Variants in MRTO4 observed in about 807,000 individuals in gnomAD.
MRTO4 encodes the protein MRT4 homolog, ribosome maturation factor.
In MRTO4, 7 loss-of-function variants were observed where a neutral mutation model predicts 28.6. That is an observed-to-expected ratio of 0.24 (90% CI 0.14 to 0.46). The LOEUF is 0.46. MRTO4 is among the 20% of genes least tolerant of loss of function. The pLI is 0.99. For synonymous variants in MRTO4, 113 were observed against 108.2 expected (o/e 1.04, Z -0.27); for missense variants, 302 against 298.3 (o/e 1.01, Z -0.09).
intron 3 of MRTO4, 70 bp downstream of exon 3, chr1:19,256,121 G>A (rs1197035377): frequency 7.1e-7 from 1 of 1,404,754 alleles, no homozygotes; most frequent in Non-Finnish European, 1.0e-6. Context: ...TCAAAGCACA[G>A]GAGCAATTTC....
chr1:19,251,874 G>C lies in MRTO4; in HGVS notation c.28+11G>C, dbSNP rs552214473. The C allele has an allele frequency of 6.9e-6, 11 of 1,591,672 alleles. No homozygotes were observed. The highest frequency in any genetic ancestry group is 1.7e-4 in the Middle Eastern group (1 of 6,040). On this transcript the variant is annotated intron_variant, in intron 1 of 7. Transcript: ENST00000330263. ...AGCGCGACAAGAAAGGTGGGCGAAG[G>C]GGGAGTCGGGACCCTGGGGGGAGCT...
chr1:19,251,867 G>A lies in MRTO4; in HGVS notation c.28+4G>A, dbSNP rs758749386. 4.4e-6 allele frequency: 7 copies of A among 1,591,854 alleles called. No homozygotes were observed. Among genetic ancestry groups the A allele is most frequent in the Non-Finnish European group, 4.3e-6 (5 of 1,169,820 alleles). On this transcript the variant is annotated splice_donor_region_variant and intron_variant, in intron 1 of 7. Coordinates refer to ENST00000330263, the MANE Select transcript of MRTO4 (RefSeq NM_016183.4). ...AAATCCAAGCGCGACAAGAAAGGTG[G>A]GCGAAGGGGGAGTCGGGACCCTGGG...
intron 2 of MRTO4, 121 bp from the exon 3 acceptor site, chr1:19,255,827 C>G: frequency 1.3e-6 from 1 of 788,516 alleles, no homozygotes; most frequent in Non-Finnish European, 2.0e-6. Context: ...TTAGAGGCCT[C>G]CAGTTCTTCC....
Position 19,255,846 on chromosome 1 carries a change from T to C in MRTO4, c.88-102T>C, listed in dbSNP as rs565174582. 4 of 947,700 alleles carry C rather than the reference T, an allele frequency of 4.2e-6. No individual in the cohort carries two copies. In the East Asian group the frequency reaches 1.0e-4, roughly 24 times the overall value. 58.7% of individuals were successfully genotyped at this position (947,700 alleles called of 1,614,324 possible). On this transcript the variant is annotated intron_variant, in intron 2 of 7. Transcript: ENST00000330263. The stretch of plus-strand genomic sequence containing the variant: ...AGGCCTCCAGTTCTTCCAGTTTCCA[T>C]AGTTGTCAGGGGCCCAGAGCAGATT...
rs1329687559 is a variant in MRTO4, at chr1:19,259,106, GAAAA to G, written c.*282_*285del. ...TGAAACCCCGTCTCTACTAAAAATA[GAAAA>G]AAAAACTAGTTGGGCATAGTGGCAT... On this transcript the variant is annotated 3_prime_UTR_variant, in exon 8 of 8. Transcript: ENST00000330263. 2 of 258,904 alleles carry G rather than the reference GAAAA, an allele frequency of 7.7e-6. No homozygotes were observed. Among genetic ancestry groups the G allele is most frequent in the South Asian group, 1.6e-4 (2 of 12,302 alleles). The allele number at this position is 258,904 out of a possible 1,614,324, so 16.0% of individuals were successfully genotyped here.
intron 3 of MRTO4, 109 bp from the exon 4 acceptor site, chr1:19,256,955 C>A: frequency 9.4e-7 from 1 of 1,062,084 alleles, no homozygotes; most frequent in Non-Finnish European, 1.4e-6. Flanking sequence ...GTGCCACTGG[C>A]TCAGCCTGGG....
rs1432191055 is a variant in MRTO4 at position 19,256,013 on chromosome 1, C to T, written c.153C>T (p.Ser51=). 3 of 1,614,062 alleles carry T rather than the reference C, an allele frequency of 1.9e-6. No individual in the cohort carries two copies. Among genetic ancestry groups the T allele is most frequent in the Non-Finnish European group, 2.5e-6 (3 of 1,179,998 alleles). ...FIFSVANMRN[S]KLKDIRNAWK... ...TCTCTGTGGCCAACATGAGGAACAG[C>T]AAGCTGAAGGACATCCGGAACGCCT... Residue 51 remains serine, a synonymous_variant, in exon 3 of 8, where the codon AGC becomes AGT. Transcript: ENST00000330263.
At chr1:19,256,625 G>T (rs1485820117) in intron 3 of MRTO4, among the ~76,000 whole-genome samples, 1 of 152,174 alleles carries the variant, frequency 6.6e-6, no homozygotes, top group African/African-American at 2.4e-5. Context: ...CTGGACTGTG[G>T]GCCATTTAGG....
chr1:19,257,887 T>C lies in MRTO4; in HGVS notation c.396T>C (p.Ala132=), dbSNP rs779085414. The part of the protein sequence containing the change: ...MDYARAGNKA[A]FTVSLDPGPL... ...ACGCCCGAGCTGGTAACAAAGCAGC[T>C]TTCACTGTGAGCCTGGATCCAGGGC... The change falls in exon 6 of 8, where the codon GCT becomes GCC. Residue 132 remains alanine, a synonymous_variant. Transcript: ENST00000330263. 5.6e-6 allele frequency: 9 copies of C among 1,614,112 alleles called. No individual in the cohort carries two copies. The South Asian group carries it at 9.9e-5, about 18-fold the overall frequency.
At chr1:19,255,800 G>C in intron 2 of MRTO4, 148 bp from the exon 3 acceptor site, 1 of 647,600 alleles carries the variant, frequency 1.5e-6, no homozygotes, top group Non-Finnish European at 2.7e-6. Context: ...CAGTAATGGA[G>C]GTAGGAGACA....
intron 3 of MRTO4, among the ~76,000 whole-genome samples, 166 bp downstream of exon 3, chr1:19,256,217 T>C (rs2093671292): frequency 6.6e-6 from 1 of 152,138 alleles, no homozygotes; most frequent in South Asian, 2.1e-4. Context: ...TCCTTTTCAC[T>C]GTTAAAGCTG....
chr1:19,260,122 G>A lies in MRTO4; in HGVS notation c.*1292G>A, dbSNP rs1056172928. ...TCTGAATGAGAGTAAATCAGCTTCA[G>A]GGTGTACAGTGGCCCTCTTTTTTCT... On this transcript the variant is annotated 3_prime_UTR_variant, in exon 8 of 8. Transcript: ENST00000330263. 6.6e-6 allele frequency: 1 copy of A among 152,266 alleles called. No individual in the cohort carries two copies. Among genetic ancestry groups the A allele is most frequent in the African/African-American group, 2.4e-5 (1 of 41,456 alleles). 9.4% of individuals were successfully genotyped at this position (152,266 alleles called of 1,614,324 possible).
chr1:19,256,142 G>A, intron 3 of MRTO4, 91 bp downstream of exon 3: 1 of 1,091,310 alleles, frequency 9.2e-7, no homozygotes, highest in Non-Finnish European at 1.4e-6. Context: ...TGACCCTTTA[G>A]GTGCCTGGGT....
At chr1:19,253,891 TGGGTA>T (rs1430140994) in intron 1 of MRTO4, among the ~76,000 whole-genome samples, 2 of 152,126 alleles carry the variant, frequency 1.3e-5, no homozygotes, top group Admixed American at 6.5e-5. Flanking sequence ...CCAAACTCTG[TGGGTA>T]GAGGGCAAAT....
At chr1:19,254,966 A>C in intron 2 of MRTO4, 126 bp downstream of exon 2, 1 of 777,896 alleles carries the variant, frequency 1.3e-6, no homozygotes, top group Non-Finnish European at 2.0e-6. Context: ...AAAAATCTCC[A>C]AGCTGCCAAT....
At position 19,258,938 on chromosome 1, in the gene MRTO4, G is replaced by A; in HGVS notation, c.*108G>A. Reference sequence around the variant, plus strand: ...CAGCTTTTTATTTGTCTGTAGACAGGGAACATGATGGGCACTGACCTCCTG... The same window carrying A: ...CAGCTTTTTATTTGTCTGTAGACAGAGAACATGATGGGCACTGACCTCCTG... On this transcript the variant is annotated 3_prime_UTR_variant, in exon 8 of 8. Coordinates refer to ENST00000330263, the MANE Select transcript of MRTO4 (RefSeq NM_016183.4). 7.7e-7 allele frequency: 1 copy of A among 1,291,532 alleles called. No individual in the cohort carries two copies. Among genetic ancestry groups the A allele is most frequent in the Non-Finnish European group, 1.0e-6 (1 of 958,796 alleles). 80.0% of individuals were successfully genotyped at this position (1,291,532 alleles called of 1,614,324 possible). A position where few individuals can be genotyped will look rare whatever the true frequency, so the allele number is the denominator to read the frequency against.
chr1:19,255,234 C>T (rs1183975188), intron 2 of MRTO4, among the ~76,000 whole-genome samples: 2 of 152,040 alleles, frequency 1.3e-5, no homozygotes, highest in Non-Finnish European at 2.9e-5. Flanking sequence ...TGGGCCACGC[C>T]TGTAATCCCA....
In MRTO4 at chr1:19,256,058, G is replaced by T. The variant is rs1426332165; in HGVS notation, c.191+7G>T. On this transcript the variant is annotated splice_region_variant and intron_variant, in intron 3 of 7. Transcript: ENST00000330263. Reference sequence around the variant, plus strand: ...ACGCCTGGAAGCACAGCCGGTGAGCGGGCAGGGGGAGGAAGGCCCTTCTGA... The same window carrying T: ...ACGCCTGGAAGCACAGCCGGTGAGCTGGCAGGGGGAGGAAGGCCCTTCTGA... The T allele has an allele frequency of 6.2e-7, 1 of 1,613,422 alleles. No homozygotes were observed. Among genetic ancestry groups the T allele is most frequent in the Admixed American group, 1.7e-5 (1 of 59,974 alleles).
chr1:19,259,517 C>A lies in MRTO4; in HGVS notation c.*687C>A, dbSNP rs1423932168. 2 of 152,188 alleles carry A rather than the reference C, an allele frequency of 1.3e-5. No individual in the cohort carries two copies. The highest frequency in any genetic ancestry group is 4.8e-5 in the African/African-American group (2 of 41,442). The allele number at this position is 152,188 out of a possible 1,614,324, so 9.4% of individuals were successfully genotyped here. A position where few individuals can be genotyped will look rare whatever the true frequency, so the allele number is the denominator to read the frequency against. On this transcript the variant is annotated 3_prime_UTR_variant, in exon 8 of 8. Coordinates refer to ENST00000330263, the MANE Select transcript of MRTO4 (RefSeq NM_016183.4). ...TGCTTAAGCCTGAGAGTTGGAGGCT[C>A]AGTGAGCCATGATCATGCCACTGCA... is the stretch of plus-strand genomic sequence containing the variant.
Sources: gnomAD v4.1 joint callset for allele counts (sites outside exome capture counted in the v4.1 genomes callset) on GRCh38, gnomAD v4.1.1 for gene constraint, MANE v1.5 for transcripts, NCBI Gene and HGNC (gene_info 2026-07-23, HGNC 2026-07-21) for gene names.